The following MTHFD2L variants were observed in gnomAD, a reference collection of about 807,000 sequenced individuals.
MTHFD2L encodes methylenetetrahydrofolate dehydrogenase (NADP+ dependent) 2 like.
Under a neutral mutation model 34.9 loss-of-function variants are expected in MTHFD2L, and 29 were observed. The ratio of observed to expected loss-of-function variants is 0.83; its 90% CI spans 0.62 to 1.13. The LOEUF is 1.13. MTHFD2L is among the 50% of genes most tolerant of loss of function. MTHFD2L has a pLI of 0.00. For missense variants in MTHFD2L, 481 were observed against 446.5 expected (o/e 1.08, Z -0.70); for synonymous variants, 167 against 155.7 (o/e 1.07, Z -0.54).
chr4:74,187,568 C>T (rs1490764420), intron 3 of MTHFD2L, among the ~76,000 whole-genome samples: 1 of 152,126 alleles, frequency 6.6e-6, no homozygotes, highest in Non-Finnish European at 1.5e-5. Context: ...CAAGATACTA[C>T]TGCAAACCCA....
chr4:74,222,301 G>T (rs1000702563), intron 5 of MTHFD2L, among the ~76,000 whole-genome samples: 5 of 150,146 alleles, frequency 3.3e-5, no homozygotes, highest in South Asian at 2.1e-4. Context: ...ATTTATTTCT[G>T]AACAGTTACA....
intron 6 of MTHFD2L, chr4:74,268,070 G>T: frequency 1.0e-6 from 1 of 984,962 alleles, no homozygotes; most frequent in Non-Finnish European, 1.2e-6. Flanking sequence ...CCAGAGAAAA[G>T]AAAAAGAACA....
At chr4:74,301,115 A>G (rs1311876268) in intron 7 of MTHFD2L, among the ~76,000 whole-genome samples, 2 of 152,084 alleles carry the variant, frequency 1.3e-5, no homozygotes, top group East Asian at 1.9e-4. Context: ...TCAAAAAATT[A>G]TAAGTGAAAC....
chr4:74,160,548 T>C (rs1415069189), intron 1 of MTHFD2L: 1 of 152,968 alleles, frequency 6.5e-6, no homozygotes, highest in East Asian at 1.9e-4. Flanking sequence ...AGTGAATTTG[T>C]TTTCCTGTTT....
At chr4:74,149,884 T>G (rs1184225676) in intron 1 of MTHFD2L, among the ~76,000 whole-genome samples, 1 of 152,204 alleles carries the variant, frequency 6.6e-6, no homozygotes, top group Non-Finnish European at 1.5e-5. Context: ...CTATTACAGA[T>G]GTGATTATGG....
intron 5 of MTHFD2L, 65 bp downstream of exon 5, chr4:74,201,435 A>G: frequency 1.7e-6 from 2 of 1,195,608 alleles, no homozygotes; most frequent in South Asian, 2.8e-5. Flanking sequence ...TCATCAAGTA[A>G]ACACTTTTGA....
At chr4:74,226,713 T>C in intron 6 of MTHFD2L, among the ~76,000 whole-genome samples, 1 of 152,172 alleles carries the variant, frequency 6.6e-6, no homozygotes, top group East Asian at 1.9e-4. Context: ...ATTCATTCAA[T>C]TGAATATTAT....
At chr4:74,158,044 T>G, upstream of MTHFD2L, 1 of 1,517,724 alleles carries the variant, frequency 6.6e-7, no homozygotes, top group Non-Finnish European at 8.8e-7. Flanking sequence ...CTTGCTGCCC[T>G]GCCAGCCCGG....
At chr4:74,272,081 A>G (rs1746070079) in intron 6 of MTHFD2L, among the ~76,000 whole-genome samples, 1 of 152,170 alleles carries the variant, frequency 6.6e-6, no homozygotes, top group Non-Finnish European at 1.5e-5. Context: ...TTTGGGCTTG[A>G]TTTGGATACA....
intron 6 of MTHFD2L, among the ~76,000 whole-genome samples, chr4:74,247,254 G>A (rs567398275): frequency 3.8e-4 from 57 of 151,950 alleles, no homozygotes; most frequent in African/African-American, 1.4e-3. Context: ...GTGAATGGGA[G>A]TTCACTCATG....
At chr4:74,147,408 G>C (rs1277561624) in intron 1 of MTHFD2L, among the ~76,000 whole-genome samples, 2 of 152,134 alleles carry the variant, frequency 1.3e-5, no homozygotes, top group Non-Finnish European at 2.9e-5. Flanking sequence ...CTTGTCTAGG[G>C]GATGTGTGTG....
At chr4:74,284,665 T>C (rs1747926760) in intron 7 of MTHFD2L, among the ~76,000 whole-genome samples, 1 of 152,072 alleles carries the variant, frequency 6.6e-6, no homozygotes, top group Non-Finnish European at 1.5e-5. Context: ...TTTCTTTTGC[T>C]GTGCAGAAGC....
chr4:74,184,846 T>C (rs187305443), intron 3 of MTHFD2L, among the ~76,000 whole-genome samples: 92 of 152,080 alleles, frequency 6.0e-4, no homozygotes, highest in African/African-American at 2.1e-3. Flanking sequence ...AAATTAAAAA[T>C]GAGTAACAAA....
intron 5 of MTHFD2L, among the ~76,000 whole-genome samples, chr4:74,208,812 C>G (rs1008329146): frequency 2.0e-5 from 3 of 152,106 alleles, no homozygotes; most frequent in African/African-American, 7.2e-5. Context: ...TCTGAGGAGC[C>G]CTTTTTGCTT....
At chr4:74,138,284 C>T (rs959104094) in intron 1 of MTHFD2L, among the ~76,000 whole-genome samples, 1 of 152,132 alleles carries the variant, frequency 6.6e-6, no homozygotes, top group African/African-American at 2.4e-5. Flanking sequence ...CCAGTCTTCT[C>T]TGTCTGGCTT....
chr4:74,219,528 G>A (rs1737785407), intron 5 of MTHFD2L, among the ~76,000 whole-genome samples: 1 of 152,086 alleles, frequency 6.6e-6, no homozygotes, highest in African/African-American at 2.4e-5. Flanking sequence ...ATTAGTTGAA[G>A]ACAATTAATG....
chr4:74,220,990 T>C (rs1202337877), intron 5 of MTHFD2L, among the ~76,000 whole-genome samples: 1 of 151,112 alleles, frequency 6.6e-6, no homozygotes, highest in African/African-American at 2.4e-5. Context: ...TTTTATAGGA[T>C]CTAATATGAA....
At chr4:74,249,044 TTC>T (rs1335220427) in intron 6 of MTHFD2L, among the ~76,000 whole-genome samples, 2 of 152,178 alleles carry the variant, frequency 1.3e-5, no homozygotes, top group Non-Finnish European at 2.9e-5. Context: ...CTTGTTAACT[TTC>T]TGTCTTGTTG....
chr4:74,166,608 C>A (rs1460761404), intron 1 of MTHFD2L, among the ~76,000 whole-genome samples: 1 of 152,194 alleles, frequency 6.6e-6, no homozygotes. Context: ...TAATGACCAA[C>A]AACTTTTGAA....
Sources: gnomAD v4.1 joint callset for allele counts (sites outside exome capture counted in the v4.1 genomes callset) on GRCh38, gnomAD v4.1.1 for gene constraint, MANE v1.5 for transcripts, NCBI Gene and HGNC (gene_info 2026-07-23, HGNC 2026-07-21) for gene names.